DPYD: variants seen among roughly 807,000 people sequenced by gnomAD.
DPYD encodes dihydropyrimidine dehydrogenase [NADP(+)].
In DPYD, 109 loss-of-function variants were observed where a neutral mutation model predicts 116.2. The ratio of observed to expected loss-of-function variants is 0.94; its 90% CI spans 0.80 to 1.10. The LOEUF (loss-of-function observed/expected upper bound fraction) is 1.10, where lower values mean the gene tolerates loss of function less well. DPYD is among the 50% of genes least tolerant of loss of function. The pLI is 0.00. For synonymous variants in DPYD, 440 were observed against 432.0 expected (o/e 1.02, Z -0.23); for missense variants, 1,302 against 1,254.5 (o/e 1.04, Z -0.57).
intron 20 of DPYD, among the ~76,000 whole-genome samples, chr1:97,157,182 G>T (rs1480718449): frequency 6.6e-6 from 1 of 150,932 alleles, no homozygotes; most frequent in Non-Finnish European, 1.5e-5. Flanking sequence ...CGAGTTAATG[G>T]GTGCAGCACA....
chr1:97,768,621 T>A (rs1012690505), intron 3 of DPYD, among the ~76,000 whole-genome samples: 4 of 152,176 alleles, frequency 2.6e-5, no homozygotes, highest in Admixed American at 6.6e-5. Flanking sequence ...GATGTGAAAA[T>A]TGGAATAATT....
intron 22 of DPYD, among the ~76,000 whole-genome samples, chr1:97,080,556 G>C (rs1190268095): frequency 6.6e-6 from 1 of 152,058 alleles, no homozygotes; most frequent in African/African-American, 2.4e-5. Flanking sequence ...TATAGCTATA[G>C]CAAGTCATGA....
intron 3 of DPYD, among the ~76,000 whole-genome samples, chr1:97,808,380 T>C (rs990197844): frequency 1.1e-4 from 17 of 152,172 alleles, no homozygotes; most frequent in Non-Finnish European, 2.4e-4. Context: ...ATTTAAATGA[T>C]ATTATCTTTT....
chr1:97,768,272 G>A (rs1458596256), intron 3 of DPYD, among the ~76,000 whole-genome samples: 1 of 152,008 alleles, frequency 6.6e-6, no homozygotes, highest in East Asian at 1.9e-4. Flanking sequence ...ATCTTTGTGT[G>A]TATTAAACAA....
At chr1:97,145,750 T>TC (rs200506296) in intron 20 of DPYD, among the ~76,000 whole-genome samples, 4 of 151,872 alleles carry the variant, frequency 2.6e-5, no homozygotes, top group East Asian at 1.9e-4. Context: ...TGGGTTTTTT[T>TC]TTTTTTTTTT....
chr1:97,825,648 G>T (rs1462266033), intron 3 of DPYD, among the ~76,000 whole-genome samples: 4 of 149,282 alleles, frequency 2.7e-5, no homozygotes, highest in Non-Finnish European at 4.5e-5. Flanking sequence ...GGGAGGGATA[G>T]CATTAGGAGA....
At chr1:97,633,712 C>G (rs1004007182) in intron 8 of DPYD, among the ~76,000 whole-genome samples, 2 of 152,114 alleles carry the variant, frequency 1.3e-5, no homozygotes, top group African/African-American at 2.4e-5. Context: ...TAGGAATTCA[C>G]AGAAAACAAG....
At chr1:97,699,966 A>G (rs1661505527) in intron 5 of DPYD, among the ~76,000 whole-genome samples, 1 of 152,140 alleles carries the variant, frequency 6.6e-6, no homozygotes, top group South Asian at 2.1e-4. Context: ...TATAGGAGTT[A>G]GCATTGCGAT....
chr1:97,094,312 A>T (rs1650088553), intron 21 of DPYD, among the ~76,000 whole-genome samples: 1 of 152,014 alleles, frequency 6.6e-6, no homozygotes, highest in African/African-American at 2.4e-5. Context: ...TTTTTAAAAG[A>T]CTCCTTCATA....
At chr1:97,867,541 C>A (rs72979762) in intron 2 of DPYD, among the ~76,000 whole-genome samples, 1 of 151,726 alleles carries the variant, frequency 6.6e-6, no homozygotes, top group Non-Finnish European at 1.5e-5. Context: ...GCATTATTTA[C>A]CCCCAGGATG....
intron 8 of DPYD, among the ~76,000 whole-genome samples, chr1:97,673,112 T>C (rs1458154624): frequency 1.3e-5 from 2 of 152,096 alleles, no homozygotes; most frequent in African/African-American, 2.4e-5. Context: ...TATTTTTTTT[T>C]TTACTTTCTT....
chr1:97,664,619 C>G (rs184208473), intron 8 of DPYD, among the ~76,000 whole-genome samples: 158 of 151,942 alleles, frequency 1.0e-3, no homozygotes, highest in Non-Finnish European at 2.0e-3. Context: ...CCTTATTTTG[C>G]TTCCTCTTAT....
At chr1:97,834,422 T>C (rs1309036030) in intron 2 of DPYD, among the ~76,000 whole-genome samples, 2 of 151,114 alleles carry the variant, frequency 1.3e-5, no homozygotes, top group African/African-American at 2.4e-5. Context: ...ATAAGGTAAA[T>C]AGGCCTCACA....
At chr1:97,528,386 T>A (rs1371441244) in intron 12 of DPYD, among the ~76,000 whole-genome samples, 2 of 152,198 alleles carry the variant, frequency 1.3e-5, no homozygotes, top group Non-Finnish European at 1.5e-5. Context: ...CACATTCTTC[T>A]ATACTTGTAA....
rs889565164 is a variant in DPYD at position 97,431,848 on chromosome 1, A to ACCCTTC, written c.1905+18205_1905+18210dup. Among the ~76,000 whole-genome samples the ACCCTTC allele has an allele frequency of 4.0e-5, 6 of 151,576 alleles. No individual in the cohort carries two copies. In the East Asian group the frequency reaches 5.8e-4, roughly 15 times the overall value. ...TGTAACCATTAACCAATCTCTCTTT[A>ACCCTTC]CCCTTCCCCTTCCCCTCCCACTACA... On this transcript the variant is annotated intron_variant, in intron 14 of 22. Transcript: ENST00000370192.
intron 6 of DPYD, among the ~76,000 whole-genome samples, chr1:97,695,336 T>C (rs1427177391): frequency 6.7e-6 from 1 of 150,206 alleles, no homozygotes; most frequent in African/African-American, 2.5e-5. Context: ...TCTTATTGTA[T>C]AGACCAGAGG....
intron 21 of DPYD, among the ~76,000 whole-genome samples, chr1:97,083,925 C>T (rs990573827): frequency 1.3e-5 from 2 of 152,126 alleles, no homozygotes; most frequent in African/African-American, 4.8e-5. Context: ...TGTGCAATAT[C>T]TTTTGAATCC....
chr1:97,713,991 A>T (rs537540421), intron 5 of DPYD, among the ~76,000 whole-genome samples: 1 of 152,224 alleles, frequency 6.6e-6, no homozygotes. Context: ...ATATATTAGT[A>T]ATTTTTCATT....
intron 4 of DPYD, among the ~76,000 whole-genome samples, chr1:97,729,206 G>A (rs1032950377): frequency 5.9e-5 from 9 of 151,988 alleles, no homozygotes; most frequent in Non-Finnish European, 1.2e-4. Flanking sequence ...ATACAAGCAC[G>A]TGCACACATA....
Sources: gnomAD v4.1 joint callset for allele counts (sites outside exome capture counted in the v4.1 genomes callset) on GRCh38, gnomAD v4.1.1 for gene constraint, MANE v1.5 for transcripts, NCBI Gene and HGNC (gene_info 2026-07-23, HGNC 2026-07-21) for gene names.